GGCX: variants seen among roughly 807,000 people sequenced by gnomAD.
GGCX encodes vitamin K-dependent gamma-carboxylase.
A neutral mutation model predicts 88.5 loss-of-function variants in GGCX; 63 were observed. That is an observed-to-expected ratio of 0.71 (90% CI 0.58 to 0.88). The LOEUF (loss-of-function observed/expected upper bound fraction) is 0.88, where lower values mean the gene tolerates loss of function less well. Ranked by LOEUF, GGCX falls within the 40% of genes least tolerant of loss-of-function variation. GGCX has a pLI of 0.00. For synonymous variants in GGCX, 368 were observed against 365.8 expected (o/e 1.01, Z -0.07); for missense variants, 805 against 932.9 (o/e 0.86, Z 1.79).
chr2:85,558,683 A>T (rs1265108387), intron 3 of GGCX, 78 bp from the exon 4 acceptor site: 2 of 1,139,924 alleles, frequency 1.8e-6, no homozygotes, highest in South Asian at 2.5e-5. Flanking sequence ...ATATGGTTGG[A>T]ATTAAGAAAA....
Position 85,553,485 on chromosome 2 carries a change from TAGG to T in GGCX, c.899_901del (p.Ser300del), listed in dbSNP as rs751262487. 2.6e-5 allele frequency: 42 copies of T among 1,613,598 alleles called. No homozygotes were observed. In the Admixed American group the frequency reaches 2.8e-4, roughly 11 times the overall value. On this transcript the variant is annotated inframe_deletion, in exon 8 of 15. Coordinates refer to ENST00000233838, the MANE Select transcript of GGCX (RefSeq NM_000821.7). ...GAGAGGGCTGCTGGCCAGCATGACG[TAGG>T]AGAACATACCTAGGAAAGCAGGGAG...
rs1573334846 is a variant in GGCX, at chr2:85,561,449, T to G, written c.-21A>C. 1 of 1,558,736 alleles carries G rather than the reference T, an allele frequency of 6.4e-7. No individual in the cohort carries two copies. The highest frequency in any genetic ancestry group is 1.9e-5 in the Admixed American group (1 of 51,886). On this transcript the variant is annotated 5_prime_UTR_variant, in exon 1 of 15. Transcript: ENST00000233838. ...GCCATTGCTCTGCGGAGGAGGCAGG[T>G]GGGTCACAGCTGCCGCGTCTGAACG...
intron 2 of GGCX, 44 bp from the exon 3 acceptor site, chr2:85,559,119 G>A: frequency 6.6e-7 from 1 of 1,523,420 alleles, no homozygotes; most frequent in Non-Finnish European, 9.1e-7. Flanking sequence ...CTCAGCTAAG[G>A]AAGCAGTAGA....
At chr2:85,552,596 C>T in intron 9 of GGCX, 29 bp from the exon 10 acceptor site, 1 of 1,605,858 alleles carries the variant, frequency 6.2e-7, no homozygotes, top group Non-Finnish European at 8.5e-7. Context: ...TTAGTCCCAC[C>T]TCATCATTAT....
At chr2:85,552,241 G>C (rs1457987251) in intron 10 of GGCX, among the ~76,000 whole-genome samples, 175 bp downstream of exon 10, 1 of 152,158 alleles carries the variant, frequency 6.6e-6, no homozygotes, top group African/African-American at 2.4e-5. Flanking sequence ...TTTTCTCCTG[G>C]ATGATGGTGC....
chr2:85,558,991 C>A lies in GGCX; in HGVS notation c.299G>T (p.Arg100Leu), dbSNP rs201699978. ...RKYLDGLDVC[R>L]FPLLDALRPL... is the part of the protein sequence containing the mutation. The stretch of plus-strand genomic sequence containing the variant: ...GCGTAGGGCATCCAGCAAGGGGAAG[C>A]GGCACACATCCAGCCCATCAAGGTA... The change falls in exon 3 of 15, where the codon CGC (arginine) becomes CTC (leucine). Residue 100 changes from arginine to leucine, a missense_variant. Physicochemically the swap from Arg to Leu is moderately radical, Grantham distance 102. Transcript: ENST00000233838. The A allele has an allele frequency of 6.2e-7, 1 of 1,613,390 alleles. No individual in the cohort carries two copies.
At chr2:85,561,316 T>TCCCGCC (rs1692449984) in intron 1 of GGCX, 70 bp downstream of exon 1, 6 of 430,230 alleles carry the variant, frequency 1.4e-5, no homozygotes, top group African/African-American at 4.0e-5. Flanking sequence ...CTGGGCGTCC[T>TCCCGCC]CCCGCCCCCG....
rs1342942431 is a variant in GGCX at position 85,549,815 on chromosome 2, C to T, written c.*119G>A. 1.5e-6 allele frequency: 1 copy of T among 665,048 alleles called. No homozygotes were observed. 41.2% of individuals were successfully genotyped at this position (665,048 alleles called of 1,614,324 possible). On this transcript the variant is annotated 3_prime_UTR_variant, in exon 15 of 15. Coordinates refer to ENST00000233838, the MANE Select transcript of GGCX (RefSeq NM_000821.7). Reference sequence around the variant, plus strand: ...CTCGGAGTTAAAAACAGCTTTAGAACCCCGCCCCCCCAAAAAAAAAAAAAA... The same window carrying T: ...CTCGGAGTTAAAAACAGCTTTAGAATCCCGCCCCCCCAAAAAAAAAAAAAA...
chr2:85,560,385 G>A (rs1486970524), intron 2 of GGCX, among the ~76,000 whole-genome samples: 1 of 152,026 alleles, frequency 6.6e-6, no homozygotes, highest in Non-Finnish European at 1.5e-5. Context: ...TCAGGAGTTT[G>A]AGACCAGCCT....
At position 85,555,509 on chromosome 2, in the gene GGCX, G is replaced by A. The variant is rs771270558; in HGVS notation, c.700C>T (p.Arg234Trp). 223 of 1,597,728 alleles carry A rather than the reference G, an allele frequency of 1.4e-4. No individual in the cohort carries two copies. The highest frequency in any genetic ancestry group is 8.4e-4 in the South Asian group (76 of 90,752). ...VEGYSMEYLS[R>W]HWLFSPFKLL... The stretch of plus-strand genomic sequence containing the variant: ...TTGAAGGGACTGAAGAGCCAGTGCC[G>A]GGACAAATATTCCATGGAATAGCCT... Residue 234 changes from arginine (R) to tryptophan (W), a missense_variant, in exon 6 of 15, where the codon CGG becomes TGG. By Grantham distance (101) the Arg-to-Trp change is moderately radical. Coordinates refer to ENST00000233838, the MANE Select transcript of GGCX (RefSeq NM_000821.7).
rs59419074 is a variant in GGCX at position 85,549,826 on chromosome 2, CAAAAA to C, written c.*103_*107del. The C allele has an allele frequency of 4.2e-6, 2 of 474,778 alleles. No individual in the cohort carries two copies. Among genetic ancestry groups the C allele is most frequent in the African/African-American group, 4.9e-5 (2 of 41,042 alleles). The allele number at this position is 474,778 out of a possible 1,614,324, so 29.4% of individuals were successfully genotyped here. On this transcript the variant is annotated 3_prime_UTR_variant, in exon 15 of 15. Coordinates refer to ENST00000233838, the MANE Select transcript of GGCX (RefSeq NM_000821.7). ...AAACAGCTTTAGAACCCCGCCCCCC[CAAAAA>C]AAAAAAAAAAACTTTTGAGAATTTT...
At position 85,550,038 on chromosome 2, in the gene GGCX, A is replaced by C; in HGVS notation, c.2173T>G (p.Leu725Val). 6.2e-7 allele frequency: 1 copy of C among 1,612,432 alleles called. No individual in the cohort carries two copies. Among genetic ancestry groups the C allele is most frequent in the Non-Finnish European group, 8.5e-7 (1 of 1,178,608 alleles). Residue 725 changes from leucine to valine, a missense_variant, in exon 15 of 15, where the codon TTG (leucine) becomes GTG (valine). Transcript: ENST00000233838. ...TCTCCAACTGCCTCAAAGGGTCTCA[A>C]GTTTGCATAAGTCACCTCCTGGGCC... The part of the protein sequence containing the change: ...QLAQEVTYAN[L>V]RPFEAVGELN...
intron 1 of GGCX, 67 bp downstream of exon 1, chr2:85,561,319 C>T: frequency 9.5e-7 from 1 of 1,053,628 alleles, no homozygotes; most frequent in Non-Finnish European, 1.4e-6. Context: ...GGCGTCCTCC[C>T]GCCCCCGCCC....
rs1163105989 is a variant in GGCX at position 85,550,082 on chromosome 2, C to T, written c.2129G>A (p.Arg710His). 3.0e-5 allele frequency: 48 copies of T among 1,613,430 alleles called. No homozygotes were observed. The highest frequency in any genetic ancestry group is 1.8e-4 in the Admixed American group (11 of 59,982). Residue 710 changes from arginine to histidine, a missense_variant, in exon 15 of 15, where the codon CGT becomes CAT. Around this residue, in one of 3 missense-constraint regions of GGCX, gnomAD observed 680 missense variants for 763.7 expected, o/e 0.89. Transcript: ENST00000233838. The part of the protein sequence containing the change: ...CISLRNLILG[R>H]PSLEQLAQEV... Reference sequence around the variant, plus strand: ...CTGGGCCAGCTGCTCCAGGGAAGGACGGCCTAATATCAGATTTCGAAGTGA... The same window carrying T: ...CTGGGCCAGCTGCTCCAGGGAAGGATGGCCTAATATCAGATTTCGAAGTGA...
chr2:85,554,840 C>G (rs974769950), intron 6 of GGCX: 1 of 187,106 alleles, frequency 5.3e-6, no homozygotes, highest in Non-Finnish European at 1.1e-5. Context: ...AAGGGCAGAT[C>G]TCCTAGGACA....
At chr2:85,556,161 C>G (rs757744784) in intron 5 of GGCX, 21 bp downstream of exon 5, 4 of 1,520,080 alleles carry the variant, frequency 2.6e-6, no homozygotes, top group South Asian at 1.1e-5. Flanking sequence ...GAGCTCCTCC[C>G]TCTGTCCTAA....
Position 85,549,589 on chromosome 2 carries a change from G to A in GGCX, c.*345C>T, listed in dbSNP as rs45560635. The A allele has an allele frequency of 1.9e-5, 6 of 309,028 alleles. No individual in the cohort carries two copies. The highest frequency in any genetic ancestry group is 3.8e-5 in the Non-Finnish European group (6 of 159,932). The allele number at this position is 309,028 out of a possible 1,614,324, so 19.1% of individuals were successfully genotyped here. On this transcript the variant is annotated 3_prime_UTR_variant, in exon 15 of 15. Coordinates refer to ENST00000233838, the MANE Select transcript of GGCX (RefSeq NM_000821.7). The stretch of plus-strand genomic sequence containing the variant: ...TTGGCCAGGCTGGTCTCGAACTCCT[G>A]GCCTCAAGTGATCTGCCCACCTCAG...
Position 85,554,153 on chromosome 2 carries a change from A to G in GGCX, c.879T>C (p.Leu293=). The G allele has an allele frequency of 1.2e-6, 2 of 1,613,002 alleles. No homozygotes were observed. Among genetic ancestry groups the G allele is most frequent in the Non-Finnish European group, 1.7e-6 (2 of 1,178,980 alleles). ...GCTACAGGTACTGACCAATGCTGAA[A>G]AGCTGGGAATTCATGCAGTGGAAGT... ...VSYFHCMNSQ[L]FSIGMFSYVM... Residue 293 remains leucine (L), a synonymous_variant, in exon 7 of 15, where the codon CTT becomes CTC. Coordinates refer to ENST00000233838, the MANE Select transcript of GGCX (RefSeq NM_000821.7).
chr2:85,559,692 G>A (rs955881380), intron 2 of GGCX, among the ~76,000 whole-genome samples: 5 of 151,226 alleles, frequency 3.3e-5, no homozygotes, highest in African/African-American at 1.2e-4. Flanking sequence ...TCCAGCCTGG[G>A]CAACAAGATC....
Sources: allele counts gnomAD v4.1 joint callset (sites outside exome capture counted in the v4.1 genomes callset), GRCh38; gene constraint gnomAD v4.1.1; regional missense constraint gnomAD v4.1.1; transcripts MANE v1.5; gene names NCBI Gene and HGNC (gene_info 2026-07-23, HGNC 2026-07-21).